VPS13D: variants seen among roughly 807,000 people sequenced by gnomAD.
The protein encoded by VPS13D is vacuolar protein sorting 13 homolog D.
Under a neutral mutation model 461.9 loss-of-function variants are expected in VPS13D, and 187 were observed. The ratio of observed to expected loss-of-function variants is 0.40; its 90% CI spans 0.36 to 0.46. VPS13D has a LOEUF of 0.46. Among genes scored for constraint, VPS13D ranks in the 20% least tolerant of loss-of-function variants. The pLI, the probability that VPS13D is intolerant of heterozygous loss-of-function variation, is 0.60. For missense variants in VPS13D, 4,711 were observed against 5,364.9 expected (o/e 0.88, Z 3.81); for synonymous variants, 1,951 against 1,986.3 (o/e 0.98, Z 0.47).
intron 60 of VPS13D, among the ~76,000 whole-genome samples, chr1:12,399,516 T>C (rs923451118): frequency 3.3e-5 from 5 of 152,106 alleles, no homozygotes; most frequent in Middle Eastern, 3.4e-3. Context: ...TTTTAACCAA[T>C]GAATAAAAAT....
At chr1:12,470,150 C>A (rs1170073814) in intron 67 of VPS13D, among the ~76,000 whole-genome samples, 1 of 152,230 alleles carries the variant, frequency 6.6e-6, no homozygotes, top group Non-Finnish European at 1.5e-5. Context: ...GTGACCCAAA[C>A]TGTATCATAA....
At chr1:12,450,400 G>A (rs565492118) in intron 65 of VPS13D, among the ~76,000 whole-genome samples, 28 of 152,298 alleles carry the variant, frequency 1.8e-4, no homozygotes, top group African/African-American at 6.7e-4. Flanking sequence ...AATTAGAGCT[G>A]TGCTGGTAGC....
Position 12,321,894 on chromosome 1 carries a change from ATTC to A in VPS13D, c.7640_7642del (p.Ser2547del), listed in dbSNP as rs768839883. The A allele has an allele frequency of 4.3e-6, 7 of 1,613,762 alleles. No individual in the cohort carries two copies. Among genetic ancestry groups the A allele is most frequent in the South Asian group, 2.2e-5 (2 of 90,954 alleles). On this transcript the variant is annotated inframe_deletion, in exon 33 of 70. Coordinates refer to ENST00000620676, the MANE Select transcript of VPS13D (RefSeq NM_015378.4). ...CAAATTCAAATGGAGTTGGTGGGGA[ATTC>A]TTCTTATCAAAATAGTTCAGGATTG... is the stretch of plus-strand genomic sequence containing the variant.
chr1:12,254,516 T>TC (rs1640849520), intron 7 of VPS13D, among the ~76,000 whole-genome samples: 1 of 120,742 alleles, frequency 8.3e-6, no homozygotes, highest in Non-Finnish European at 1.6e-5. Flanking sequence ...TCTCAATCTT[T>TC]TTTTTTTTTT....
At chr1:12,478,701 G>A (rs1645669702) in intron 67 of VPS13D, 2 of 444,130 alleles carry the variant, frequency 4.5e-6, no homozygotes, top group East Asian at 7.1e-5. Context: ...GCACGGTGAT[G>A]TTTCTCTCTG....
chr1:12,456,531 G>T (rs1007275789), intron 66 of VPS13D, among the ~76,000 whole-genome samples: 28 of 151,562 alleles, frequency 1.8e-4, no homozygotes, highest in African/African-American at 6.5e-4. Context: ...CCAGCTACTC[G>T]GGAGGCTGAG....
chr1:12,492,608 A>C (rs1232523755), intron 67 of VPS13D, among the ~76,000 whole-genome samples: 1 of 152,240 alleles, frequency 6.6e-6, no homozygotes, highest in Non-Finnish European at 1.5e-5. Flanking sequence ...TATCTTGTTA[A>C]GTGAACGTTT....
chr1:12,242,366 C>T (rs570282855), intron 2 of VPS13D, 147 bp from the exon 3 acceptor site: 4 of 658,972 alleles, frequency 6.1e-6, no homozygotes, highest in East Asian at 5.6e-5. Flanking sequence ...GTAGCCCGTT[C>T]TAGATGTAAA....
At chr1:12,394,537 A>G (rs1310729225) in intron 60 of VPS13D, among the ~76,000 whole-genome samples, 1 of 152,158 alleles carries the variant, frequency 6.6e-6, no homozygotes, top group Non-Finnish European at 1.5e-5. Flanking sequence ...TGCTGTTCCC[A>G]CCGTTAGATC....
intron 59 of VPS13D, among the ~76,000 whole-genome samples, chr1:12,385,761 T>C (rs997778744): frequency 6.6e-6 from 1 of 152,216 alleles, no homozygotes; most frequent in South Asian, 2.1e-4. Flanking sequence ...AAAAAGTATA[T>C]TTATCTGACG....
intron 31 of VPS13D, 109 bp from the exon 32 acceptor site, chr1:12,319,388 C>A: frequency 6.8e-7 from 1 of 1,464,300 alleles, no homozygotes; most frequent in Non-Finnish European, 9.3e-7. Flanking sequence ...AAAAATCTTA[C>A]TGGTTCATGT....
Position 12,460,259 on chromosome 1 carries a change from AG to A in VPS13D, c.12530del (p.Gly4177ValfsTer17). ...CGACAGTGGAAGGTGTGAAAACAGAAGGGGGTGTCAGCGGTTTCATATCTGG... is the reference window on the plus strand; with the variant it reads ...CGACAGTGGAAGGTGTGAAAACAGAAGGGGTGTCAGCGGTTTCATATCTGG... ...TSTVEGVKTE[G>X]GVSGFISGLG... On this transcript the variant is annotated frameshift_variant, in exon 67 of 70. Coordinates refer to ENST00000620676, the MANE Select transcript of VPS13D (RefSeq NM_015378.4). LOFTEE classifies it high-confidence loss of function. 1 of 1,611,812 alleles carries A rather than the reference AG, an allele frequency of 6.2e-7. No individual in the cohort carries two copies. Among genetic ancestry groups the A allele is most frequent in the Non-Finnish European group, 8.5e-7 (1 of 1,178,884 alleles).
At chr1:12,266,416 C>T (rs1047282805) in intron 13 of VPS13D, among the ~76,000 whole-genome samples, 1 of 152,242 alleles carries the variant, frequency 6.6e-6, no homozygotes, top group African/African-American at 2.4e-5. Flanking sequence ...CCCAACACTT[C>T]AGCAACCACG....
At chr1:12,235,132 A>T (rs1640103100) in intron 2 of VPS13D, among the ~76,000 whole-genome samples, 1 of 152,244 alleles carries the variant, frequency 6.6e-6, no homozygotes, top group South Asian at 2.1e-4. Context: ...GTAAAATCAT[A>T]GGAAATGGGA....
intron 67 of VPS13D, among the ~76,000 whole-genome samples, chr1:12,492,435 G>A (rs1371620405): frequency 6.6e-6 from 1 of 152,144 alleles, no homozygotes; most frequent in Non-Finnish European, 1.5e-5. Context: ...AGTTACACTG[G>A]CCACATTTCA....
intron 31 of VPS13D, 98 bp downstream of exon 31, chr1:12,318,435 C>T (rs890870838): frequency 3.5e-6 from 5 of 1,440,446 alleles, no homozygotes; most frequent in African/African-American, 2.8e-5. Flanking sequence ...CCATTTTTCA[C>T]GTGAGCACTT....
chr1:12,460,163 C>G, intron 66 of VPS13D, 38 bp from the exon 67 acceptor site: 3 of 1,495,460 alleles, frequency 2.0e-6, no homozygotes, highest in Non-Finnish European at 2.7e-6. Context: ...TTGCTTTTGT[C>G]CTCGTCAGGT....
intron 46 of VPS13D, 27 bp from the exon 47 acceptor site, chr1:12,353,947 G>A: frequency 6.2e-7 from 1 of 1,603,180 alleles, no homozygotes; most frequent in Admixed American, 1.7e-5. Context: ...TAAGTCTGAT[G>A]ATTTTTACAC....
chr1:12,283,872 G>C, intron 21 of VPS13D, 136 bp downstream of exon 21: 1 of 926,334 alleles, frequency 1.1e-6, no homozygotes, highest in Non-Finnish European at 1.6e-6. Context: ...CTAGGTGTTT[G>C]CTACGAAAGG....
Sources: gnomAD v4.1 joint callset for allele counts (sites outside exome capture counted in the v4.1 genomes callset) on GRCh38, gnomAD v4.1.1 for gene constraint, MANE v1.5 for transcripts, NCBI Gene and HGNC (gene_info 2026-07-23, HGNC 2026-07-21) for gene names.